The following TCF4 variants were observed in gnomAD, a reference collection of about 807,000 sequenced individuals.
TCF4 encodes the protein SL3-3 enhancer factor 2.
Under a neutral mutation model 82.1 loss-of-function variants are expected in TCF4, and 3 were observed. The observed-to-expected ratio is 0.04, with a 90% CI of 0.02 to 0.09. TCF4 has a LOEUF of 0.09. TCF4 is among the 10% of genes least tolerant of loss of function. The pLI is 1.00. For synonymous variants in TCF4, 276 were observed against 309.6 expected (o/e 0.89, Z 1.14); for missense variants, 518 against 852.7 (o/e 0.61, Z 4.89).
intron 8 of TCF4, chr18:55,321,352 C>A: frequency 8.4e-6 from 3 of 357,134 alleles, no homozygotes; most frequent in Non-Finnish European, 1.6e-5. Flanking sequence ...AAGAATTTTC[C>A]AAAACTCTTT....
intron 5 of TCF4, among the ~76,000 whole-genome samples, chr18:55,426,451 C>T (rs563774243): frequency 6.6e-6 from 1 of 152,282 alleles, no homozygotes; most frequent in South Asian, 2.1e-4. Context: ...CAAGCACACC[C>T]TCTAGGCTTA....
chr18:55,431,863 G>T (rs892048280), intron 5 of TCF4, among the ~76,000 whole-genome samples: 13 of 152,184 alleles, frequency 8.5e-5, no homozygotes, highest in East Asian at 3.9e-4. Context: ...AACTAATGTC[G>T]GGGGGGTCTT....
intron 3 of TCF4, among the ~76,000 whole-genome samples, chr18:55,538,026 G>GCACACACACACACACACA (rs57686777): frequency 6.8e-5 from 9 of 131,574 alleles, no homozygotes; most frequent in East Asian, 2.3e-4. Flanking sequence ...CTGCGCGCGC[G>GCACACACACACACACACA]CACACACACA....
rs116435037 is a variant in TCF4, at chr18:55,383,142, C to T, written c.369+20312G>A. 1.3e-3 allele frequency among the ~76,000 whole-genome samples: 197 copies of T among 152,306 alleles called. 1 individual carries two copies. Among genetic ancestry groups the T allele is most frequent in the African/African-American group, 4.4e-3 (181 of 41,568 alleles). ...AATTTCTCCAACCAGTTTAATGACG[C>T]TACCTTTCGCCAATACTATTCCTCA... is the stretch of plus-strand genomic sequence containing the variant. On this transcript the variant is annotated intron_variant, in intron 6 of 19. Transcript: ENST00000354452.
At chr18:55,489,587 C>CA (rs35164622) in intron 3 of TCF4, among the ~76,000 whole-genome samples, 3 of 151,326 alleles carry the variant, frequency 2.0e-5, no homozygotes, top group East Asian at 1.9e-4. Context: ...GGGAAACTAC[C>CA]AAAAAAAATA....
At chr18:55,615,954 AGTTTT>A (rs1440506589) in intron 2 of TCF4, among the ~76,000 whole-genome samples, 1 of 151,974 alleles carries the variant, frequency 6.6e-6, no homozygotes, top group Admixed American at 6.6e-5. Context: ...ATTGGTCTTT[AGTTTT>A]GTTTTTTTAT....
At chr18:55,272,106 C>T (rs1390224032) in intron 10 of TCF4, among the ~76,000 whole-genome samples, 1 of 151,866 alleles carries the variant, frequency 6.6e-6, no homozygotes, top group African/African-American at 2.4e-5. Flanking sequence ...GTAAAATGGG[C>T]AGTAATTTGG....
intron 8 of TCF4, among the ~76,000 whole-genome samples, chr18:55,311,184 TAGAA>T (rs918634972): frequency 8.6e-5 from 13 of 150,572 alleles, no homozygotes; most frequent in African/African-American, 3.2e-4. Flanking sequence ...AAAAGGGAAA[TAGAA>T]AGGGAAAGAA....
At chr18:55,552,803 A>G in intron 3 of TCF4, among the ~76,000 whole-genome samples, 1 of 152,220 alleles carries the variant, frequency 6.6e-6, no homozygotes, top group Non-Finnish European at 1.5e-5. Flanking sequence ...ATATGATCTA[A>G]AGGAACATTT....
chr18:55,443,619 T>G (rs2095478678), intron 5 of TCF4, among the ~76,000 whole-genome samples: 1 of 152,212 alleles, frequency 6.6e-6, no homozygotes, highest in African/African-American at 2.4e-5. Flanking sequence ...AATTTAGTAA[T>G]CATCATATCC....
At chr18:55,350,607 GCTA>G (rs1368351703) in intron 7 of TCF4, among the ~76,000 whole-genome samples, 199 bp from the exon 8 acceptor site, 1 of 152,016 alleles carries the variant, frequency 6.6e-6, no homozygotes, top group Non-Finnish European at 1.5e-5. Flanking sequence ...TTAACTTTTT[GCTA>G]CTTTGATCTT....
intron 13 of TCF4, among the ~76,000 whole-genome samples, chr18:55,259,430 T>C (rs1358099348): frequency 6.6e-6 from 1 of 152,150 alleles, no homozygotes; most frequent in African/African-American, 2.4e-5. Flanking sequence ...AAGTCAAACA[T>C]CCCTTCTACC....
chr18:55,579,464 AAT>A (rs1363103061), intron 3 of TCF4, among the ~76,000 whole-genome samples: 1 of 151,960 alleles, frequency 6.6e-6, no homozygotes, highest in Non-Finnish European at 1.5e-5. Flanking sequence ...CAAAAAAAAA[AAT>A]AATAAAGAAA....
At chr18:55,407,852 G>A (rs964497941) in intron 5 of TCF4, among the ~76,000 whole-genome samples, 1 of 151,790 alleles carries the variant, frequency 6.6e-6, no homozygotes, top group African/African-American at 2.4e-5. Flanking sequence ...TACATCCATG[G>A]TATCCTATTG....
intron 3 of TCF4, chr18:55,510,637 A>G (rs1325553221): frequency 1.3e-5 from 19 of 1,513,504 alleles, no homozygotes; most frequent in Non-Finnish European, 1.5e-5. Flanking sequence ...ATATCTGGTG[A>G]TTAAAATTCT....
At chr18:55,537,136 A>G (rs765940653) in intron 3 of TCF4, among the ~76,000 whole-genome samples, 318 of 142,328 alleles carry the variant, frequency 2.2e-3, no homozygotes, top group South Asian at 4.0e-3. Context: ...TCCGTCTCGG[A>G]AAAAAAAAAA....
At chr18:55,399,762 T>A (rs2093689727) in intron 6 of TCF4, among the ~76,000 whole-genome samples, 1 of 150,858 alleles carries the variant, frequency 6.6e-6, no homozygotes, top group Non-Finnish European at 1.5e-5. Context: ...ACCTGGGGAG[T>A]TGTCAGAAAA....
At chr18:55,373,778 A>T (rs1392313447) in intron 6 of TCF4, among the ~76,000 whole-genome samples, 1 of 152,118 alleles carries the variant, frequency 6.6e-6, no homozygotes, top group African/African-American at 2.4e-5. Context: ...GTGCCACTAC[A>T]CTCCAACCTG....
At chr18:55,524,584 A>T (rs1019909338) in intron 3 of TCF4, among the ~76,000 whole-genome samples, 1 of 152,216 alleles carries the variant, frequency 6.6e-6, no homozygotes, top group African/African-American at 2.4e-5. Context: ...AGTAAATCTG[A>T]TAAATCTGTA....
Sources: gnomAD v4.1 joint callset for allele counts (sites outside exome capture counted in the v4.1 genomes callset) on GRCh38, gnomAD v4.1.1 for gene constraint, MANE v1.5 for transcripts, NCBI Gene and HGNC (gene_info 2026-07-23, HGNC 2026-07-21) for gene names.